CRPPA: variants seen among roughly 807,000 people sequenced by gnomAD.
CRPPA encodes D-ribitol-5-phosphate cytidylyltransferase.
A neutral mutation model predicts 52.0 loss-of-function variants in CRPPA; 43 were observed. That is an observed-to-expected ratio of 0.83 (90% CI 0.65 to 1.07). The LOEUF (loss-of-function observed/expected upper bound fraction) is 1.07, where lower values mean the gene tolerates loss of function less well. Among genes scored for constraint, CRPPA ranks in the 50% least tolerant of loss-of-function variants. The pLI, the probability that CRPPA is intolerant of heterozygous loss-of-function variation, is 0.00. For missense variants in CRPPA, 629 were observed against 551.7 expected (o/e 1.14, Z -1.40); for synonymous variants, 250 against 203.5 (o/e 1.23, Z -1.94).
At chr7:16,148,685 T>A (rs1324011535) in intron 9 of CRPPA, among the ~76,000 whole-genome samples, 1 of 152,062 alleles carries the variant, frequency 6.6e-6, no homozygotes, top group East Asian at 1.9e-4. Flanking sequence ...TATAGAAAAT[T>A]ACAACTAGAT....
chr7:16,122,234 A>C (rs1322415264), intron 9 of CRPPA, among the ~76,000 whole-genome samples: 2 of 152,072 alleles, frequency 1.3e-5, no homozygotes, highest in Non-Finnish European at 2.9e-5. Flanking sequence ...TCTTCCTTTT[A>C]ATTGTTTATT....
At chr7:16,336,930 C>A (rs1451030894) in intron 3 of CRPPA, among the ~76,000 whole-genome samples, 2 of 151,848 alleles carry the variant, frequency 1.3e-5, no homozygotes, top group African/African-American at 4.8e-5. Context: ...AATAGCAAGA[C>A]CACATAAAAT....
Position 16,293,188 on chromosome 7 carries a change from T to A in CRPPA, c.835+8233A>T, listed in dbSNP as rs145750750. On this transcript the variant is annotated intron_variant, in intron 5 of 9. Coordinates refer to ENST00000407010, the MANE Select transcript of CRPPA (RefSeq NM_001101426.4). ...GGTGGGCAAAATATCGAGAAATCTG[T>A]CTCCAATTTTCTTGGAAACACTCAA... 6.5e-3 allele frequency among the ~76,000 whole-genome samples: 984 copies of A among 151,948 alleles called. 7 individuals carry two copies. The highest frequency in any genetic ancestry group is 0.01 in the Non-Finnish European group (689 of 67,854).
intron 8 of CRPPA, chr7:16,216,424 A>C: frequency 6.0e-6 from 2 of 331,890 alleles, no homozygotes; most frequent in Non-Finnish European, 1.1e-5. Flanking sequence ...GAAAAACCAA[A>C]TGCTGGGGAG....
rs536418877 is a variant in CRPPA at position 16,260,734 on chromosome 7, A to C, written c.934-1722T>G. Among the ~76,000 whole-genome samples the C allele has an allele frequency of 3.3e-5, 5 of 151,870 alleles. No individual in the cohort carries two copies. The South Asian group carries it at 1.0e-3, about 31-fold the overall frequency. ...TGAATTCTGAACTCAGAAAAAAAAA[A>C]ATCTTACTTTAAAATTTCCTTCTGC... On this transcript the variant is annotated intron_variant, in intron 6 of 9. Transcript: ENST00000407010.
intron 8 of CRPPA, among the ~76,000 whole-genome samples, chr7:16,217,666 C>T (rs1347787384): frequency 9.5e-4 from 137 of 143,988 alleles, no homozygotes; most frequent in African/African-American, 3.2e-3. Context: ...GGAGCCGATG[C>T]GATCAACTGG....
chr7:16,168,534 AACACACACACACACACAC>A (rs61189058), intron 9 of CRPPA, among the ~76,000 whole-genome samples: 5 of 143,160 alleles, frequency 3.5e-5, no homozygotes, highest in Non-Finnish European at 7.6e-5. Flanking sequence ...AGTGAAGTAA[AACACACACACACACACAC>A]ACACACACAC....
intron 3 of CRPPA, among the ~76,000 whole-genome samples, chr7:16,355,765 G>C (rs1308078752): frequency 6.6e-6 from 1 of 152,168 alleles, no homozygotes; most frequent in African/African-American, 2.4e-5. Flanking sequence ...TTGAACTAGA[G>C]TGGTTTGGGT....
chr7:16,395,410 A>C (rs1583574498), intron 2 of CRPPA, among the ~76,000 whole-genome samples: 2 of 152,308 alleles, frequency 1.3e-5, no homozygotes, highest in African/African-American at 4.8e-5. Context: ...GAAATCCTCC[A>C]ACCATATAAT....
chr7:16,098,534 T>A (rs1781977058), intron 9 of CRPPA, among the ~76,000 whole-genome samples: 1 of 152,166 alleles, frequency 6.6e-6, no homozygotes, highest in Non-Finnish European at 1.5e-5. Context: ...ATTATTTAAA[T>A]GTCACAAAAT....
At chr7:16,096,570 A>T (rs557703164) in intron 9 of CRPPA, among the ~76,000 whole-genome samples, 1 of 152,254 alleles carries the variant, frequency 6.6e-6, no homozygotes, top group African/African-American at 2.4e-5. Flanking sequence ...TAAAAAAAAA[A>T]TTTGTTTTAT....
intron 6 of CRPPA, among the ~76,000 whole-genome samples, chr7:16,268,295 G>A (rs1389067008): frequency 6.6e-6 from 1 of 151,980 alleles, no homozygotes; most frequent in Non-Finnish European, 1.5e-5. Context: ...ATTAAAATCA[G>A]CTATAATTTG....
chr7:16,240,575 ACACACACACACACACACACACACACATT>A (rs1160977950), intron 8 of CRPPA, among the ~76,000 whole-genome samples: 2 of 69,468 alleles, frequency 2.9e-5, no homozygotes, highest in Non-Finnish European at 8.4e-5. Flanking sequence ...TTACACATAC[ACACACACACACACACACACACACACATT>A]CACACACACA....
chr7:16,338,310 G>A (rs1785738030), intron 3 of CRPPA, among the ~76,000 whole-genome samples: 1 of 152,268 alleles, frequency 6.6e-6, no homozygotes, highest in Middle Eastern at 3.4e-3. Flanking sequence ...CTTGATACAT[G>A]CAGAAAAAAT....
chr7:16,370,947 A>G (rs1027268749), intron 3 of CRPPA, among the ~76,000 whole-genome samples: 4 of 152,286 alleles, frequency 2.6e-5, no homozygotes, highest in South Asian at 2.1e-4. Context: ...CAGAGTCACA[A>G]TTCCTCCCTA....
At chr7:16,233,605 G>GCA (rs1212052156) in intron 8 of CRPPA, among the ~76,000 whole-genome samples, 2 of 152,148 alleles carry the variant, frequency 1.3e-5, no homozygotes, top group Non-Finnish European at 2.9e-5. Context: ...ATGCATGTCT[G>GCA]CACACATAAG....
chr7:16,309,748 C>G (rs930778290), intron 3 of CRPPA, among the ~76,000 whole-genome samples: 2 of 151,960 alleles, frequency 1.3e-5, no homozygotes, highest in African/African-American at 4.8e-5. Flanking sequence ...CATCAAGCAC[C>G]CCTTGCCAAA....
In CRPPA at chr7:16,122,504, T is replaced by A. The variant is rs1050739457; in HGVS notation, c.1252-30705A>T. 4.6e-5 allele frequency among the ~76,000 whole-genome samples: 7 copies of A among 152,036 alleles called. 1 individual carries two copies. Among genetic ancestry groups the A allele is most frequent in the Non-Finnish European group, 1.5e-5 (1 of 67,912 alleles). Reference sequence around the variant, plus strand: ...TAGGAAGTTCTTATAATTACACACATCATTCTTATAAAAACATACTCCTCT... The same window carrying A: ...TAGGAAGTTCTTATAATTACACACAACATTCTTATAAAAACATACTCCTCT... On this transcript the variant is annotated intron_variant, in intron 9 of 9. Coordinates refer to ENST00000407010, the MANE Select transcript of CRPPA (RefSeq NM_001101426.4).
At chr7:16,286,044 A>AT (rs1784429511) in intron 5 of CRPPA, among the ~76,000 whole-genome samples, 1 of 12,542 alleles carries the variant, frequency 8.0e-5, no homozygotes, top group Non-Finnish European at 1.2e-4. Context: ...AAAAAATATA[A>AT]ATATATATAT....
Sources: allele counts gnomAD v4.1 joint callset (sites outside exome capture counted in the v4.1 genomes callset), GRCh38; gene constraint gnomAD v4.1.1; transcripts MANE v1.5; gene names NCBI Gene and HGNC (gene_info 2026-07-23, HGNC 2026-07-21).